NPAS3: variants seen among roughly 807,000 people sequenced by gnomAD.
NPAS3 encodes neuronal PAS domain-containing protein 3.
A neutral mutation model predicts 73.1 loss-of-function variants in NPAS3; 14 were observed. The observed-to-expected ratio is 0.19, with a 90% confidence interval of 0.13 to 0.30. The LOEUF (loss-of-function observed/expected upper bound fraction) is 0.30, where lower values mean the gene tolerates loss of function less well. NPAS3 is among the 10% of genes least tolerant of loss of function. NPAS3 has a pLI of 1.00. For missense variants in NPAS3, 1,096 were observed against 1,250.0 expected (o/e 0.88, Z 1.86); for synonymous variants, 620 against 541.5 (o/e 1.14, Z -2.01).
At chr14:33,483,053 C>T (rs1202404856) in intron 4 of NPAS3, among the ~76,000 whole-genome samples, 1 of 151,978 alleles carries the variant, frequency 6.6e-6, no homozygotes, top group Non-Finnish European at 1.5e-5. Flanking sequence ...AAGGAAGACC[C>T]GAGAAAGAGA....
At chr14:33,393,673 G>A (rs565700321) in intron 4 of NPAS3, among the ~76,000 whole-genome samples, 2 of 152,098 alleles carry the variant, frequency 1.3e-5, no homozygotes, top group Admixed American at 1.3e-4. Context: ...CAAAAGAAGG[G>A]CCCCTTGCTT....
At chr14:33,631,520 C>T (rs2058376708) in intron 5 of NPAS3, among the ~76,000 whole-genome samples, 2 of 152,166 alleles carry the variant, frequency 1.3e-5, no homozygotes, top group South Asian at 4.1e-4. Flanking sequence ...TCAAGTACAG[C>T]TGGGAAGAGC....
intron 6 of NPAS3, among the ~76,000 whole-genome samples, chr14:33,694,173 C>G (rs1018366854): frequency 4.0e-5 from 6 of 151,486 alleles, no homozygotes; most frequent in Admixed American, 1.3e-4. Context: ...ATGCAGCCAT[C>G]TGCAACCCCC....
chr14:33,216,836 A>G (rs2047241302), intron 3 of NPAS3, among the ~76,000 whole-genome samples: 2 of 152,216 alleles, frequency 1.3e-5, no homozygotes, highest in Non-Finnish European at 2.9e-5. Flanking sequence ...GTACCTCTCA[A>G]GGACAGGATG....
intron 2 of NPAS3, among the ~76,000 whole-genome samples, chr14:33,141,432 A>G (rs976892569): frequency 6.6e-6 from 1 of 152,198 alleles, no homozygotes; most frequent in Non-Finnish European, 1.5e-5. Context: ...TCAAAATAAA[A>G]TGAGCCTACT....
chr14:33,581,605 C>G (rs756844654), intron 5 of NPAS3, among the ~76,000 whole-genome samples: 1 of 152,164 alleles, frequency 6.6e-6, no homozygotes, highest in Non-Finnish European at 1.5e-5. Context: ...GTGTCTCACT[C>G]TGTCGCCCAG....
upstream of NPAS3, among the ~76,000 whole-genome samples, chr14:32,935,799 G>C (rs1294893777): frequency 6.6e-6 from 1 of 152,224 alleles, no homozygotes; most frequent in Non-Finnish European, 1.5e-5. Context: ...GAACCCTGAA[G>C]TTTTTCCTGA....
intron 6 of NPAS3, among the ~76,000 whole-genome samples, chr14:33,693,687 A>G (rs1429790226): frequency 6.6e-6 from 1 of 152,204 alleles, no homozygotes; most frequent in East Asian, 1.9e-4. Flanking sequence ...TGAGTTTGTC[A>G]GATGTGATTC....
intron 1 of NPAS3, among the ~76,000 whole-genome samples, chr14:33,035,833 C>T (rs576597004): frequency 6.6e-5 from 10 of 152,092 alleles, no homozygotes; most frequent in Admixed American, 1.3e-4. Flanking sequence ...CGGGGGACGC[C>T]TTTACAATAT....
intron 4 of NPAS3, among the ~76,000 whole-genome samples, chr14:33,472,575 C>T (rs1025474546): frequency 7.0e-6 from 1 of 143,408 alleles, no homozygotes; most frequent in Non-Finnish European, 1.5e-5. Context: ...GAAGGTATTA[C>T]AATCTTCTAG....
chr14:33,478,771 C>A (rs1308238414), intron 4 of NPAS3, among the ~76,000 whole-genome samples: 3 of 152,146 alleles, frequency 2.0e-5, no homozygotes, highest in Non-Finnish European at 4.4e-5. Flanking sequence ...TTGGAAACGG[C>A]ACACTGGCAA....
At chr14:33,686,712 G>T in intron 6 of NPAS3, among the ~76,000 whole-genome samples, 1 of 152,164 alleles carries the variant, frequency 6.6e-6, no homozygotes, top group East Asian at 1.9e-4. Flanking sequence ...TTGAACCCAA[G>T]CAGGCTGGCA....
intron 4 of NPAS3, among the ~76,000 whole-genome samples, chr14:33,391,210 T>G (rs1346553673): frequency 3.6e-5 from 5 of 137,164 alleles, no homozygotes; most frequent in South Asian, 2.3e-4. Context: ...TTTTTTTTTT[T>G]GAGAAAGAGT....
chr14:33,551,316 G>T (rs1162924453), intron 4 of NPAS3, among the ~76,000 whole-genome samples: 1 of 151,988 alleles, frequency 6.6e-6, no homozygotes, highest in Admixed American at 6.6e-5. Context: ...TACTACTCCC[G>T]ACACAAACCT....
chr14:33,374,715 G>A (rs1300954432), intron 4 of NPAS3, among the ~76,000 whole-genome samples: 1 of 149,086 alleles, frequency 6.7e-6, no homozygotes, highest in Non-Finnish European at 1.5e-5. Flanking sequence ...GGGGGGGGGA[G>A]TAGAGAATGC....
At chr14:33,578,923 A>G (rs552743742) in intron 5 of NPAS3, among the ~76,000 whole-genome samples, 1 of 152,376 alleles carries the variant, frequency 6.6e-6, no homozygotes, top group Non-Finnish European at 1.5e-5. Flanking sequence ...CAGCATCTAC[A>G]TAGCAGGAAG....
intron 4 of NPAS3, among the ~76,000 whole-genome samples, chr14:33,450,355 A>G (rs549577158): frequency 6.6e-6 from 1 of 152,344 alleles, no homozygotes; most frequent in African/African-American, 2.4e-5. Flanking sequence ...ATCTGTATTC[A>G]TTGCAGAAGC....
At chr14:33,758,281 G>A (rs558756320) in intron 7 of NPAS3, among the ~76,000 whole-genome samples, 1 of 152,262 alleles carries the variant, frequency 6.6e-6, no homozygotes, top group Non-Finnish European at 1.5e-5. Context: ...GCTTATAATA[G>A]TTCTCCAACC....
chr14:33,791,785 G>T (rs923503315), intron 9 of NPAS3, among the ~76,000 whole-genome samples: 1 of 152,146 alleles, frequency 6.6e-6, no homozygotes, highest in African/African-American at 2.4e-5. Flanking sequence ...TCAAATTCTA[G>T]TCTAGAACTC....
Sources: allele counts gnomAD v4.1 joint callset (sites outside exome capture counted in the v4.1 genomes callset), GRCh38; gene constraint gnomAD v4.1.1; transcripts MANE v1.5; gene names NCBI Gene and HGNC (gene_info 2026-07-23, HGNC 2026-07-21).